The following ARFGEF3 variants were observed in gnomAD, a reference collection of about 807,000 sequenced individuals.
ARFGEF3 encodes the protein ARFGEF family member 3, also known as brefeldin A-inhibited guanine nucleotide-exchange protein 3.
Under a neutral mutation model 221.7 loss-of-function variants are expected in ARFGEF3, and 96 were observed. The ratio of observed to expected loss-of-function variants is 0.43; its 90% CI spans 0.37 to 0.51. The LOEUF is 0.51. Among genes scored for constraint, ARFGEF3 ranks in the 20% least tolerant of loss-of-function variants. ARFGEF3 has a pLI of 0.00. For missense variants in ARFGEF3, 2,410 were observed against 2,789.9 expected (o/e 0.86, Z 3.07); for synonymous variants, 1,145 against 1,126.8 (o/e 1.02, Z -0.32).
At chr6:138,201,204 C>T (rs1385863910) in intron 2 of ARFGEF3, among the ~76,000 whole-genome samples, 4 of 152,170 alleles carry the variant, frequency 2.6e-5, no homozygotes, top group Non-Finnish European at 5.9e-5. Flanking sequence ...TCAGGGAACA[C>T]TTCTACACTG....
chr6:138,278,269 C>T (rs1296800860), intron 12 of ARFGEF3, among the ~76,000 whole-genome samples, 182 bp from the exon 13 acceptor site: 1 of 152,192 alleles, frequency 6.6e-6, no homozygotes, highest in African/African-American at 2.4e-5. Context: ...TGAGCGCATG[C>T]TCTTTGCCAC....
chr6:138,282,029 A>G (rs1779204399), intron 14 of ARFGEF3, among the ~76,000 whole-genome samples: 1 of 152,072 alleles, frequency 6.6e-6, no homozygotes, highest in Non-Finnish European at 1.5e-5. Flanking sequence ...ATCTCAGCTC[A>G]CTGCAACCTC....
At chr6:138,266,665 T>G (rs552386509) in intron 12 of ARFGEF3, among the ~76,000 whole-genome samples, 1 of 151,866 alleles carries the variant, frequency 6.6e-6, no homozygotes, top group East Asian at 1.9e-4. Flanking sequence ...CTGGCTAATA[T>G]GGTGAAACCC....
chr6:138,186,913 T>C (rs868315657), intron 2 of ARFGEF3, among the ~76,000 whole-genome samples: 12,641 of 126,678 alleles, frequency 0.1, 818 homozygotes, highest in East Asian at 0.35. Flanking sequence ...TTTTTTTTTT[T>C]TTTTTTTTTT....
intron 5 of ARFGEF3, among the ~76,000 whole-genome samples, chr6:138,233,929 G>A (rs9494978): frequency 0.041 from 6,306 of 152,246 alleles, 416 homozygotes; most frequent in African/African-American, 0.14. Flanking sequence ...GACCACTAGA[G>A]TGAGGAAATT....
chr6:138,199,032 G>A (rs936269593), intron 2 of ARFGEF3, among the ~76,000 whole-genome samples: 1 of 152,190 alleles, frequency 6.6e-6, no homozygotes, highest in Non-Finnish European at 1.5e-5. Context: ...TTGAGGCCAG[G>A]AGTTTGAGAC....
At position 138,311,479 on chromosome 6, in the gene ARFGEF3, C is replaced by T. The variant is rs775274899; in HGVS notation, c.4169C>T (p.Pro1390Leu). The change falls in exon 25 of 34, where the codon CCG becomes CTG. Residue 1390 changes from proline (P) to leucine (L), a missense_variant. Physicochemically the swap from Pro to Leu is moderately conservative, Grantham distance 98. Transcript: ENST00000251691. The part of the protein sequence containing the change: ...PGAPSTDLCL[P>L]ALDYLRRCSQ... ...GCCCCGTCCACAGACCTGTGCCTCCCGGCCCTGGATTACCTCAGGCGCTGC... is the reference window on the plus strand; with the variant it reads ...GCCCCGTCCACAGACCTGTGCCTCCTGGCCCTGGATTACCTCAGGCGCTGC... 14 of 1,603,738 alleles carry T rather than the reference C, an allele frequency of 8.7e-6. No individual in the cohort carries two copies. In the South Asian group the frequency reaches 1.0e-4, roughly 12 times the overall value.
rs145890327 is a variant in ARFGEF3 at position 138,185,316 on chromosome 6, G to A, written c.137+14603G>A. Among the ~76,000 whole-genome samples, 598 of 152,280 alleles carry A rather than the reference G, an allele frequency of 3.9e-3. 5 individuals are homozygous for A. The highest frequency in any genetic ancestry group is 6.1e-3 in the Non-Finnish European group (415 of 68,024). ...GAAAGGGCCTCCTGGCTGTGTTAAG[G>A]GGGCACTGAATCACCTGAACCTGGA... On this transcript the variant is annotated intron_variant, in intron 2 of 33. Coordinates refer to ENST00000251691, the MANE Select transcript of ARFGEF3 (RefSeq NM_020340.5).
chr6:138,238,105 G>A (rs942859036), intron 5 of ARFGEF3, among the ~76,000 whole-genome samples: 23 of 152,196 alleles, frequency 1.5e-4, no homozygotes, highest in African/African-American at 3.9e-4. Flanking sequence ...AGGAGAAAGC[G>A]TTTTGCTAAC....
rs1309152372 is a variant in ARFGEF3, at chr6:138,341,124, A to T, written c.*4638A>T. 1 of 152,434 alleles carries T rather than the reference A, an allele frequency of 6.6e-6. No individual in the cohort carries two copies. The highest frequency in any genetic ancestry group is 1.5e-5 in the Non-Finnish European group (1 of 68,218). The allele number at this position is 152,434 out of a possible 1,614,324, so 9.4% of individuals were successfully genotyped here. On this transcript the variant is annotated 3_prime_UTR_variant, in exon 34 of 34. Coordinates refer to ENST00000251691, the MANE Select transcript of ARFGEF3 (RefSeq NM_020340.5). ...GAAGAACATGGCAGTGTGTGTCTGG[A>T]ACGGCATGCACAATTTGTAAACCTT... is the stretch of plus-strand genomic sequence containing the variant.
chr6:138,198,580 T>C (rs1301372565), intron 2 of ARFGEF3, among the ~76,000 whole-genome samples: 3 of 152,164 alleles, frequency 2.0e-5, no homozygotes, highest in African/African-American at 7.2e-5. Flanking sequence ...TAATAACAAC[T>C]TGAGTGTCAC....
chr6:138,295,465 C>CA (rs541897649), intron 20 of ARFGEF3, among the ~76,000 whole-genome samples: 7,588 of 125,820 alleles, frequency 0.06, 193 homozygotes, highest in African/African-American at 0.071. Context: ...ACTAAAAATG[C>CA]AAAAAAAAAA....
chr6:138,277,452 A>T lies in ARFGEF3; in HGVS notation c.2129-999A>T, dbSNP rs138950763. Among the ~76,000 whole-genome samples, 6 of 152,366 alleles carry T rather than the reference A, an allele frequency of 3.9e-5. No homozygotes were observed. The East Asian group carries it at 1.2e-3, about 29-fold the overall frequency. Reference sequence around the variant, plus strand: ...ACACTGATGTACAAACGTCTGTTCAAATCCCTGCTTTCAGTCCTTCTGGTT... The same window carrying T: ...ACACTGATGTACAAACGTCTGTTCATATCCCTGCTTTCAGTCCTTCTGGTT... On this transcript the variant is annotated intron_variant, in intron 12 of 33. Transcript: ENST00000251691.
At chr6:138,189,926 T>C (rs967339773) in intron 2 of ARFGEF3, among the ~76,000 whole-genome samples, 2 of 151,602 alleles carry the variant, frequency 1.3e-5, no homozygotes, top group African/African-American at 2.4e-5. Context: ...CAAACAACTT[T>C]TTAAAAAATT....
intron 26 of ARFGEF3, among the ~76,000 whole-genome samples, chr6:138,316,213 A>G (rs1310069265): frequency 6.6e-6 from 1 of 152,200 alleles, no homozygotes; most frequent in East Asian, 1.9e-4. Flanking sequence ...TTTCTACATA[A>G]TCAATGTAAC....
rs549297855 is a variant in ARFGEF3, at chr6:138,276,579, TA to T, written c.2129-1871del. 3.5e-3 allele frequency among the ~76,000 whole-genome samples: 538 copies of T among 152,328 alleles called. 5 individuals are homozygous for T. The highest frequency in any genetic ancestry group is 0.012 in the African/African-American group (509 of 41,576). ...TTTTGAAACTCTTTATTTCCTCATT[TA>T]TTTTTTTAACAGTTTGATTGTGAGA... On this transcript the variant is annotated intron_variant, in intron 12 of 33. Transcript: ENST00000251691.
intron 2 of ARFGEF3, among the ~76,000 whole-genome samples, chr6:138,198,317 G>A (rs1777469822): frequency 6.6e-6 from 1 of 152,160 alleles, no homozygotes; most frequent in Non-Finnish European, 1.5e-5. Flanking sequence ...CCTAGGGCCT[G>A]AAACAGTGCC....
chr6:138,264,274 T>A (rs948846731), intron 12 of ARFGEF3, among the ~76,000 whole-genome samples: 1 of 152,202 alleles, frequency 6.6e-6, no homozygotes, highest in African/African-American at 2.4e-5. Context: ...AGGAAGCAGA[T>A]AAAGAATACA....
intron 6 of ARFGEF3, among the ~76,000 whole-genome samples, chr6:138,240,033 ATTTT>A (rs577326223): frequency 2.6e-5 from 4 of 151,840 alleles, no homozygotes; most frequent in African/African-American, 9.7e-5. Flanking sequence ...ACAAATATTG[ATTTT>A]TTTTCTTTTC....
Sources: allele counts gnomAD v4.1 joint callset (sites outside exome capture counted in the v4.1 genomes callset), GRCh38; gene constraint gnomAD v4.1.1; transcripts MANE v1.5; gene names NCBI Gene and HGNC (gene_info 2026-07-23, HGNC 2026-07-21).